TWIST2: variants seen among roughly 807,000 people sequenced by gnomAD.
TWIST2 encodes the protein twist family bHLH transcription factor 2.
TWIST2 carries 1 observed loss-of-function variant against 11.6 expected under a neutral mutation model. That is an observed-to-expected ratio of 0.09 (90% CI 0.03 to 0.41). The LOEUF (loss-of-function observed/expected upper bound fraction) is 0.41, where lower values mean the gene tolerates loss of function less well. Ranked by LOEUF, TWIST2 falls within the 10% of genes least tolerant of loss-of-function variation. The probability of loss-of-function intolerance (pLI) is 0.98; values close to 1 mark genes in which losing one functional copy is unlikely to be tolerated. For synonymous variants in TWIST2, 87 were observed against 96.6 expected (o/e 0.90, Z 0.58); for missense variants, 168 against 226.4 (o/e 0.74, Z 1.66).
chr2:238,898,891 G>A lies in TWIST2; in HGVS notation c.*36-10951G>A, dbSNP rs1319791895. On this transcript the variant is annotated intron_variant, in intron 1 of 1. Transcript: ENST00000612363. Reference sequence around the variant, plus strand: ...GCACAGCTTTGTTATTTGGAAGCCTGTAGTCAGGCAGCTCTGGTGCCGGCT... The same window carrying A: ...GCACAGCTTTGTTATTTGGAAGCCTATAGTCAGGCAGCTCTGGTGCCGGCT... 3.3e-5 allele frequency among the ~76,000 whole-genome samples: 5 copies of A among 152,374 alleles called. No homozygotes were observed. The South Asian group carries it at 6.2e-4, about 19-fold the overall frequency.
intron 1 of TWIST2, among the ~76,000 whole-genome samples, chr2:238,896,582 G>A (rs984009551): frequency 2.2e-4 from 33 of 152,178 alleles, no homozygotes; most frequent in Non-Finnish European, 4.6e-4. Flanking sequence ...AAATTCCCGA[G>A]GCCCTGTAAG....
At chr2:238,875,368 C>A (rs961058765) in intron 1 of TWIST2, among the ~76,000 whole-genome samples, 1 of 151,926 alleles carries the variant, frequency 6.6e-6, no homozygotes, top group Non-Finnish European at 1.5e-5. Context: ...CCTCCAACAG[C>A]ACCACCCACT....
In TWIST2 at chr2:238,864,796, C is replaced by G. The variant is rs903620093; in HGVS notation, c.*35+16063C>G. On this transcript the variant is annotated intron_variant, in intron 1 of 1. Coordinates refer to ENST00000612363, the MANE Select transcript of TWIST2 (RefSeq NM_001271893.4). The surrounding 1 kb of genome is among the most constrained non-coding windows in gnomAD (Gnocchi z 4.7). ...CCCTGGGAAACACCTGTGGGGCTGT[C>G]CCCTTCTCTGAGCATCTGTGAGGGG... Among the ~76,000 whole-genome samples the G allele has an allele frequency of 1.3e-5, 2 of 152,100 alleles. No individual in the cohort carries two copies. Among genetic ancestry groups the G allele is most frequent in the Non-Finnish European group, 2.9e-5 (2 of 68,006 alleles).
intron 1 of TWIST2, among the ~76,000 whole-genome samples, chr2:238,854,398 T>G (rs979736411): frequency 2.0e-4 from 31 of 152,172 alleles, no homozygotes; most frequent in African/African-American, 7.0e-4. Flanking sequence ...GGGAAAGATT[T>G]GGGCAAACCC....
At chr2:238,894,277 T>A (rs1470800198) in intron 1 of TWIST2, among the ~76,000 whole-genome samples, 1 of 152,036 alleles carries the variant, frequency 6.6e-6, no homozygotes, top group Non-Finnish European at 1.5e-5. Flanking sequence ...CTCCAGCAGC[T>A]CCACGTGGCT....
At chr2:238,879,035 T>TG (rs1450175540) in intron 1 of TWIST2, among the ~76,000 whole-genome samples, 1 of 152,226 alleles carries the variant, frequency 6.6e-6, no homozygotes, top group Non-Finnish European at 1.5e-5. Context: ...TATAATACCA[T>TG]GTCGCATGTA....
intron 1 of TWIST2, among the ~76,000 whole-genome samples, chr2:238,901,748 CAGG>C (rs1693270836): frequency 6.6e-6 from 1 of 152,134 alleles, no homozygotes; most frequent in Non-Finnish European, 1.5e-5. Context: ...ACCAGGCACT[CAGG>C]AGAAGAGAGG....
chr2:238,909,343 C>T (rs1693414369), intron 1 of TWIST2, among the ~76,000 whole-genome samples: 4 of 152,000 alleles, frequency 2.6e-5, no homozygotes, highest in Admixed American at 1.3e-4. Flanking sequence ...AGCAAGAATC[C>T]GCCGTTGACA....
At chr2:238,890,869 T>A (rs1463555773) in intron 1 of TWIST2, among the ~76,000 whole-genome samples, 2 of 152,042 alleles carry the variant, frequency 1.3e-5, no homozygotes, top group Non-Finnish European at 2.9e-5. Flanking sequence ...CAGATTGAAA[T>A]CGTTCTGCCC....
chr2:238,898,696 C>T (rs960241939), intron 1 of TWIST2, among the ~76,000 whole-genome samples: 47 of 152,240 alleles, frequency 3.1e-4, no homozygotes, highest in Admixed American at 1.2e-3. Context: ...GGAGAAGGCA[C>T]CCATGTCGGC....
chr2:238,862,544 T>C (rs568850016), intron 1 of TWIST2, among the ~76,000 whole-genome samples: 1 of 152,296 alleles, frequency 6.6e-6, no homozygotes, highest in Non-Finnish European at 1.5e-5. Context: ...AAATACATAA[T>C]TATAAACCCC....
chr2:238,897,187 C>T (rs1483012929), intron 1 of TWIST2, among the ~76,000 whole-genome samples: 1 of 152,154 alleles, frequency 6.6e-6, no homozygotes, highest in African/African-American at 2.4e-5. Flanking sequence ...GGGACGGTAT[C>T]CCTGCGTTCC....
chr2:238,861,252 C>A (rs557316829), intron 1 of TWIST2, among the ~76,000 whole-genome samples: 4 of 152,330 alleles, frequency 2.6e-5, no homozygotes, highest in African/African-American at 9.6e-5. Flanking sequence ...GGCGCAGAGC[C>A]CAGCTGCTTT....
chr2:238,903,525 CTAA>C (rs1693305779), intron 1 of TWIST2, among the ~76,000 whole-genome samples: 1 of 34,442 alleles, frequency 2.9e-5, no homozygotes, highest in Non-Finnish European at 5.7e-5. Flanking sequence ...TGGGGTGTGT[CTAA>C]TGTGAGGTGT....
intron 1 of TWIST2, among the ~76,000 whole-genome samples, chr2:238,881,290 TGTTA>T (rs1268219995): frequency 1.4e-5 from 2 of 146,378 alleles, no homozygotes; most frequent in East Asian, 4.0e-4. Context: ...TTAGTATTAA[TGTTA>T]GTATCTATTA....
chr2:238,865,909 A>G (rs4073346), intron 1 of TWIST2, among the ~76,000 whole-genome samples: 76,002 of 151,894 alleles, frequency 0.5, 22,157 homozygotes, highest in African/African-American at 0.81. Context: ...ACTCCACCGT[A>G]CAGTGCCCCG....
At chr2:238,868,054 G>C (rs1692575247) in intron 1 of TWIST2, among the ~76,000 whole-genome samples, 2 of 152,216 alleles carry the variant, frequency 1.3e-5, no homozygotes, top group South Asian at 4.1e-4. Context: ...AAGGAACACT[G>C]CAGTTAGGAA....
At chr2:238,906,616 T>C (rs972324021) in intron 1 of TWIST2, among the ~76,000 whole-genome samples, 6 of 152,010 alleles carry the variant, frequency 3.9e-5, no homozygotes, top group Non-Finnish European at 4.4e-5. Context: ...GGACATTCTT[T>C]CATACTCACA....
chr2:238,887,994 A>C (rs989635647), intron 1 of TWIST2, among the ~76,000 whole-genome samples: 1 of 152,240 alleles, frequency 6.6e-6, no homozygotes, highest in Non-Finnish European at 1.5e-5. Flanking sequence ...TTATGCAGGC[A>C]GACTTTGCAT....
Sources: allele counts gnomAD v4.1 joint callset (sites outside exome capture counted in the v4.1 genomes callset), GRCh38; gene constraint gnomAD v4.1.1; non-coding constraint Gnocchi (gnomAD v3.1); transcripts MANE v1.5; gene names NCBI Gene and HGNC (gene_info 2026-07-23, HGNC 2026-07-21).